The following RAP1GDS1 variants were observed in gnomAD, a reference collection of about 807,000 sequenced individuals.
The protein encoded by RAP1GDS1 is RAP1, GTP-GDP dissociation stimulator 1.
RAP1GDS1 carries 35 observed loss-of-function variants against 71.1 expected under a neutral mutation model. The ratio of observed to expected loss-of-function variants is 0.49; its 90% CI spans 0.38 to 0.65. The LOEUF is 0.65. RAP1GDS1 is among the 30% of genes least tolerant of loss of function. RAP1GDS1 has a pLI of 0.00. For missense variants in RAP1GDS1, 663 were observed against 706.1 expected, an observed-to-expected ratio of 0.94 and a Z score of 0.69; for synonymous variants, 229 against 243.1, an observed-to-expected ratio of 0.94 and a Z score of 0.54.
At chr4:98,290,715 G>A (rs930240519) in intron 1 of RAP1GDS1, among the ~76,000 whole-genome samples, 4 of 151,020 alleles carry the variant, frequency 2.6e-5, no homozygotes, top group African/African-American at 9.7e-5. Flanking sequence ...AGGAATGATA[G>A]TTAGCTGTTC....
intron 3 of RAP1GDS1, among the ~76,000 whole-genome samples, chr4:98,347,759 T>C (rs957807603): frequency 6.6e-6 from 1 of 152,172 alleles, no homozygotes; most frequent in African/African-American, 2.4e-5. Flanking sequence ...TTTGCCTGTT[T>C]CTTTTTAAGT....
rs189955128 is a variant in RAP1GDS1 at position 98,280,057 on chromosome 4, C to T, written c.5-13351C>T. 1.2e-3 allele frequency among the ~76,000 whole-genome samples: 189 copies of T among 152,150 alleles called. 1 individual carries two copies. The highest frequency in any genetic ancestry group is 3.5e-3 in the Admixed American group (54 of 15,272). On this transcript the variant is annotated intron_variant, in intron 1 of 14. Coordinates refer to ENST00000408927, the MANE Select transcript of RAP1GDS1 (RefSeq NM_001100427.2). Reference sequence around the variant, plus strand: ...CAGTCTTTGCTATTGTGAATAGTGCCGCAATAAACATACATGTGCATGTGT... The same window carrying T: ...CAGTCTTTGCTATTGTGAATAGTGCTGCAATAAACATACATGTGCATGTGT...
chr4:98,420,382 T>A (rs924355402), intron 11 of RAP1GDS1, among the ~76,000 whole-genome samples: 7 of 150,922 alleles, frequency 4.6e-5, no homozygotes, highest in Non-Finnish European at 8.9e-5. Context: ...TTATTTATTT[T>A]TGAGACAGAG....
At chr4:98,275,589 A>G (rs1350016493) in intron 1 of RAP1GDS1, among the ~76,000 whole-genome samples, 1 of 152,190 alleles carries the variant, frequency 6.6e-6, no homozygotes, top group Admixed American at 6.6e-5. Flanking sequence ...TACTTTCACC[A>G]TTACATAAAA....
chr4:98,379,238 A>T (rs1302960055), intron 5 of RAP1GDS1, 75 bp downstream of exon 5: 1 of 1,265,692 alleles, frequency 7.9e-7, no homozygotes, highest in Non-Finnish European at 1.0e-6. Flanking sequence ...GCAAAACAAA[A>T]ATATTTGAAA....
At chr4:98,409,715 G>A (rs901317560) in intron 7 of RAP1GDS1, 1 of 453,176 alleles carries the variant, frequency 2.2e-6, no homozygotes, top group Middle Eastern at 4.7e-4. Context: ...AGAACAAACG[G>A]AAGGGGCCTG....
chr4:98,275,872 G>C (rs1331239843), intron 1 of RAP1GDS1, among the ~76,000 whole-genome samples: 2 of 151,948 alleles, frequency 1.3e-5, no homozygotes, highest in Non-Finnish European at 2.9e-5. Flanking sequence ...AAACATGTAA[G>C]TTTAGGCCCT....
At chr4:98,309,462 A>G (rs1161623344) in intron 2 of RAP1GDS1, among the ~76,000 whole-genome samples, 3 of 151,984 alleles carry the variant, frequency 2.0e-5, no homozygotes, top group Non-Finnish European at 4.4e-5. Context: ...AATTATGAAT[A>G]TATGTGAATA....
chr4:98,293,540 A>G lies in RAP1GDS1; in HGVS notation c.112+25A>G, dbSNP rs758544794. On this transcript the variant is annotated intron_variant, in intron 2 of 14. Coordinates refer to ENST00000408927, the MANE Select transcript of RAP1GDS1 (RefSeq NM_001100427.2). ...AGTAAGTTTCATTATGTTTACTCAA[A>G]TTCCAAAGAAGAAAATCAAATCAGT... is the stretch of plus-strand genomic sequence containing the variant. The G allele has an allele frequency of 2.6e-6, 4 of 1,538,570 alleles. No homozygotes were observed. The East Asian group carries it at 9.0e-5, about 35-fold the overall frequency.
At chr4:98,263,607 T>C (rs17027393) in intron 1 of RAP1GDS1, among the ~76,000 whole-genome samples, 6,339 of 152,336 alleles carry the variant, frequency 0.042, 308 homozygotes, top group African/African-American at 0.12. Context: ...TTTATGTGTG[T>C]GCTGTGCATT....
At chr4:98,313,068 CAAAAAAAAAAA>C (rs556945198) in intron 2 of RAP1GDS1, among the ~76,000 whole-genome samples, 50 of 38,186 alleles carry the variant, frequency 1.3e-3, no homozygotes, top group African/African-American at 2.0e-3. Flanking sequence ...GACTCTGTCT[CAAAAAAAAAAA>C]AAAAAAAAAA....
At chr4:98,286,588 T>G (rs1026227637) in intron 1 of RAP1GDS1, among the ~76,000 whole-genome samples, 1 of 152,048 alleles carries the variant, frequency 6.6e-6, no homozygotes, top group Admixed American at 6.6e-5. Context: ...TTTAATTCCA[T>G]TTAAGAATGA....
chr4:98,386,080 A>AAAAG (rs1261899894), intron 5 of RAP1GDS1, among the ~76,000 whole-genome samples: 1 of 151,824 alleles, frequency 6.6e-6, no homozygotes, highest in Non-Finnish European at 1.5e-5. Flanking sequence ...CATTTAACTT[A>AAAAG]AAAGACCAGT....
intron 4 of RAP1GDS1, among the ~76,000 whole-genome samples, chr4:98,369,908 C>T (rs1740106771): frequency 6.6e-6 from 1 of 152,108 alleles, no homozygotes; most frequent in South Asian, 2.1e-4. Context: ...AAAAGGTACA[C>T]AATTTTTGTT....
intron 4 of RAP1GDS1, among the ~76,000 whole-genome samples, chr4:98,356,369 ATATACT>A (rs1737973029): frequency 6.6e-6 from 1 of 152,064 alleles, no homozygotes. Context: ...TAAATTGCTG[ATATACT>A]TAAATGGCCT....
At chr4:98,429,270 A>G (rs937325562) in intron 12 of RAP1GDS1, among the ~76,000 whole-genome samples, 4 of 151,724 alleles carry the variant, frequency 2.6e-5, no homozygotes, top group African/African-American at 4.8e-5. Flanking sequence ...AAAAAAAAAA[A>G]AAAGAAAAGA....
intron 2 of RAP1GDS1, among the ~76,000 whole-genome samples, chr4:98,308,692 A>G (rs543718403): frequency 1.3e-5 from 2 of 152,242 alleles, no homozygotes; most frequent in East Asian, 1.9e-4. Context: ...GTCATGCAGT[A>G]TACTAGTGAA....
chr4:98,410,856 G>A (rs1480729574), intron 7 of RAP1GDS1, among the ~76,000 whole-genome samples: 2 of 152,152 alleles, frequency 1.3e-5, no homozygotes, highest in East Asian at 1.9e-4. Flanking sequence ...GTATAGAAGT[G>A]ATTACCATAA....
intron 1 of RAP1GDS1, among the ~76,000 whole-genome samples, chr4:98,284,956 C>T (rs775613212): frequency 6.6e-6 from 1 of 152,126 alleles, no homozygotes; most frequent in Non-Finnish European, 1.5e-5. Context: ...CTCCCAGTCA[C>T]CCCTAGCCTT....
Sources: gnomAD v4.1 joint callset for allele counts (sites outside exome capture counted in the v4.1 genomes callset) on GRCh38, gnomAD v4.1.1 for gene constraint, MANE v1.5 for transcripts, NCBI Gene and HGNC (gene_info 2026-07-23, HGNC 2026-07-21) for gene names.